The following PHRF1 variants were observed in gnomAD, a reference collection of about 807,000 sequenced individuals.
PHRF1 encodes the protein PHD and ring finger domains 1.
PHRF1 carries 53 observed loss-of-function variants against 128.9 expected under a neutral mutation model. The ratio of observed to expected loss-of-function variants is 0.41; its 90% CI spans 0.33 to 0.52. The LOEUF (loss-of-function observed/expected upper bound fraction) is 0.52. Ranked by LOEUF, PHRF1 falls within the 20% of genes least tolerant of loss-of-function variation. PHRF1 has a pLI of 0.21. For synonymous variants in PHRF1, 1,178 were observed against 980.6 expected, an observed-to-expected ratio of 1.20 and a Z score of -3.76; for missense variants, 2,503 against 2,284.5, an observed-to-expected ratio of 1.10 and a Z score of -1.95.
chr11:597,705 G>A lies in PHRF1; in HGVS notation c.894+135G>A. On this transcript the variant is annotated intron_variant, in intron 8 of 17. Transcript: ENST00000264555. The surrounding 1 kb of genome is among the most constrained non-coding windows in gnomAD (Gnocchi z 6.5). ...CCCGGTGGCTCATGTTGTTCGGCCT[G>A]CTGAGGGGAGCAGATGAGTGCACCC... 4 of 1,218,286 alleles carry A rather than the reference G, an allele frequency of 3.3e-6. No homozygotes were observed. The highest frequency in any genetic ancestry group is 4.5e-6 in the Non-Finnish European group (4 of 884,226). 75.5% of individuals were successfully genotyped at this position (1,218,286 alleles called of 1,614,324 possible).
intron 9 of PHRF1, among the ~76,000 whole-genome samples, chr11:600,069 A>C (rs1855537789): frequency 6.6e-6 from 1 of 151,804 alleles, no homozygotes; most frequent in Admixed American, 6.6e-5. Flanking sequence ...TTTGTGTTAA[A>C]GTCTCAAGCA....
intron 4 of PHRF1, among the ~76,000 whole-genome samples, chr11:589,202 C>T (rs962193452): frequency 3.3e-5 from 5 of 151,242 alleles, no homozygotes; most frequent in African/African-American, 1.2e-4. Flanking sequence ...TTATTGGATA[C>T]GAGGTTAATA....
intron 5 of PHRF1, among the ~76,000 whole-genome samples, chr11:591,724 G>T (rs1264653451): frequency 6.6e-6 from 1 of 152,128 alleles, no homozygotes; most frequent in East Asian, 1.9e-4. Context: ...TCACATCTGG[G>T]AGCAGTGCTC....
Position 607,098 on chromosome 11 carries a change from C to G in PHRF1, c.1642C>G (p.Leu548Val). ...PVSFQRNSGS[L>V]SRGEEGFKGC... is the part of the protein sequence containing the mutation. ...TTCTTTTCAGCGAAACTCAGGCAGT[C>G]TGTCCAGAGGGGAAGAAGGATTCAA... is the stretch of plus-strand genomic sequence containing the variant. Residue 548 changes from leucine to valine, a missense_variant, in exon 14 of 18, where the codon CTG becomes GTG. Physicochemically the swap from Leu to Val is conservative, Grantham distance 32. Coordinates refer to ENST00000264555, the MANE Select transcript of PHRF1 (RefSeq NM_001286581.2). 2 of 1,571,162 alleles carry G rather than the reference C, an allele frequency of 1.3e-6. No homozygotes were observed. The highest frequency in any genetic ancestry group is 8.6e-7 in the Non-Finnish European group (1 of 1,156,906).
chr11:582,101 C>T lies in PHRF1; in HGVS notation c.214+20C>T, dbSNP rs746342319. On this transcript the variant is annotated intron_variant, in intron 3 of 17. Coordinates refer to ENST00000264555, the MANE Select transcript of PHRF1 (RefSeq NM_001286581.2). ...GATCTGGTGAGACAGCTGGTGTTCA[C>T]GCCGGCTCCTGTGTTTCCTCTTGTC... 34 of 1,570,228 alleles carry T rather than the reference C, an allele frequency of 2.2e-5. No individual in the cohort carries two copies. The highest frequency in any genetic ancestry group is 8.1e-5 in the African/African-American group (6 of 73,876).
In PHRF1 at chr11:607,245, G is replaced by T. The variant is rs1856006366; in HGVS notation, c.1789G>T (p.Gly597Trp). 1 of 1,612,378 alleles carries T rather than the reference G, an allele frequency of 6.2e-7. No homozygotes were observed. Among genetic ancestry groups the T allele is most frequent in the South Asian group, 1.1e-5 (1 of 91,076 alleles). The part of the protein sequence containing the change: ...GRSRTPARTA[G>W]APVRLDLPAA... ...GTCCCGCACCCCCGCCCGCACCGCGGGGGCGCCTGTGAGGCTGGACTTGCC... is the reference window on the plus strand; with the variant it reads ...GTCCCGCACCCCCGCCCGCACCGCGTGGGCGCCTGTGAGGCTGGACTTGCC... The change falls in exon 14 of 18, where the codon GGG (glycine) becomes TGG (tryptophan). Residue 597 changes from glycine (G) to tryptophan (W), a missense_variant. Gly to Trp is a radical substitution (Grantham distance 184). Coordinates refer to ENST00000264555, the MANE Select transcript of PHRF1 (RefSeq NM_001286581.2).
intron 3 of PHRF1, among the ~76,000 whole-genome samples, chr11:582,400 GAT>G (rs1250064089): frequency 1.3e-5 from 2 of 151,974 alleles, no homozygotes; most frequent in Admixed American, 6.6e-5. Context: ...GAGTAGCTGG[GAT>G]TACAGGCACG....
intron 5 of PHRF1, among the ~76,000 whole-genome samples, chr11:592,150 C>T (rs1011618923): frequency 1.3e-5 from 2 of 151,780 alleles, no homozygotes; most frequent in African/African-American, 2.4e-5. Flanking sequence ...CTCCTGACCT[C>T]GTGATCCACC....
chr11:584,729 C>G (rs902456321), intron 3 of PHRF1, among the ~76,000 whole-genome samples: 15 of 90,322 alleles, frequency 1.7e-4, no homozygotes, highest in African/African-American at 7.1e-4. Flanking sequence ...TCTCCAGGAC[C>G]TTTTTTTTTT....
At chr11:609,778 C>T (rs925546465) in intron 14 of PHRF1, 58 bp downstream of exon 14, 1 of 1,266,278 alleles carries the variant, frequency 7.9e-7, no homozygotes, top group Non-Finnish European at 1.1e-6. Flanking sequence ...AGGCCCTGGC[C>T]CCCGCCGAGG....
At chr11:602,620 G>T (rs1855691945) in intron 10 of PHRF1, among the ~76,000 whole-genome samples, 1 of 152,032 alleles carries the variant, frequency 6.6e-6, no homozygotes, top group Admixed American at 6.5e-5. Flanking sequence ...GGCAGAGGTT[G>T]CAGTGAGCCG....
Position 605,263 on chromosome 11 carries a change from C to A in PHRF1, c.1297C>A (p.Leu433Met). ...RADIGAASLS[L>M]FGDPYELDPF... The stretch of plus-strand genomic sequence containing the variant: ...GGATATTGGAGCTGCCTCTCTGTCT[C>A]TGTTTGGAGATCCTTATGAGCTGGA... The change falls in exon 11 of 18, where the codon CTG becomes ATG. Residue 433 changes from leucine (L) to methionine (M), a missense_variant. Physicochemically the swap from Leu to Met is conservative, Grantham distance 15. Coordinates refer to ENST00000264555, the MANE Select transcript of PHRF1 (RefSeq NM_001286581.2). The A allele has an allele frequency of 6.2e-7, 1 of 1,613,718 alleles. No homozygotes were observed.
At chr11:604,342 C>T (rs999453033) in intron 10 of PHRF1, among the ~76,000 whole-genome samples, 8 of 152,226 alleles carry the variant, frequency 5.3e-5, no homozygotes, top group Non-Finnish European at 7.3e-5. Flanking sequence ...TTGGGAGGGG[C>T]GACGCCTGCC....
At chr11:577,351 G>C (rs1853931849) in intron 1 of PHRF1, among the ~76,000 whole-genome samples, 1 of 152,214 alleles carries the variant, frequency 6.6e-6, no homozygotes, top group Non-Finnish European at 1.5e-5. Context: ...TGCTTTACTT[G>C]TTTCGACAAC....
At chr11:586,845 G>C (rs550677704) in intron 3 of PHRF1, among the ~76,000 whole-genome samples, 12 of 152,238 alleles carry the variant, frequency 7.9e-5, no homozygotes, top group African/African-American at 2.9e-4. Context: ...TGAGAAGGGG[G>C]CGTTGGAAAT....
chr11:609,879 C>T (rs1410162743), intron 14 of PHRF1, among the ~76,000 whole-genome samples, 159 bp downstream of exon 14: 1 of 151,896 alleles, frequency 6.6e-6, no homozygotes, highest in Non-Finnish European at 1.5e-5. Flanking sequence ...ACAGAGCCCC[C>T]TGTGAATCTG....
intron 6 of PHRF1, among the ~76,000 whole-genome samples, chr11:595,924 G>A (rs887292554): frequency 4.6e-5 from 7 of 152,226 alleles, no homozygotes; most frequent in African/African-American, 1.4e-4. Flanking sequence ...AGGGCGTGTC[G>A]TGTGCCCGGG....
At chr11:586,964 C>T (rs1025572046) in intron 3 of PHRF1, among the ~76,000 whole-genome samples, 2 of 152,150 alleles carry the variant, frequency 1.3e-5, no homozygotes, top group African/African-American at 2.4e-5. Flanking sequence ...CCCTGCCTCT[C>T]GAGGTCTGCC....
In PHRF1 at chr11:581,387, G is replaced by A. The variant is rs1564837102; in HGVS notation, c.-21-105G>A. 5.6e-6 allele frequency: 5 copies of A among 885,588 alleles called. No individual in the cohort carries two copies. The East Asian group carries it at 1.3e-4, about 24-fold the overall frequency. The allele number at this position is 885,588 out of a possible 1,614,324, so 54.9% of individuals were successfully genotyped here. On this transcript the variant is annotated intron_variant, in intron 1 of 17. Transcript: ENST00000264555. ...CTCACTCTTCACGTGCTGTGGCGGT[G>A]GATGTGACACGGGGATGTGGCCTGT...
Sources: allele counts gnomAD v4.1 joint callset (sites outside exome capture counted in the v4.1 genomes callset), GRCh38; gene constraint gnomAD v4.1.1; non-coding constraint Gnocchi (gnomAD v3.1); transcripts MANE v1.5; gene names NCBI Gene and HGNC (gene_info 2026-07-23, HGNC 2026-07-21).